The following UST variants were observed in gnomAD, a reference collection of about 807,000 sequenced individuals.
UST encodes chondroitin sulfate 2-O-sulfotransferase.
In UST, 21 loss-of-function variants were observed where a neutral mutation model predicts 45.6. That is an observed-to-expected ratio of 0.46 (90% confidence interval 0.33 to 0.66). The LOEUF (loss-of-function observed/expected upper bound fraction) is 0.66. UST is among the 30% of genes least tolerant of loss of function. The pLI is 0.02. For missense variants in UST, 463 were observed against 512.4 expected, an observed-to-expected ratio of 0.90 and a Z score of 0.93; for synonymous variants, 215 against 200.6, an observed-to-expected ratio of 1.07 and a Z score of -0.61.
rs1230516365 is a variant in UST, at chr6:148,907,913, T to C, written c.291+20884T>C. ...GGGTGTTTCCAGGGCTTTTTTTTTT[T>C]TTTTTTTTTTTTTTTGACAGAGTCT... On this transcript the variant is annotated intron_variant, in intron 2 of 7. Transcript: ENST00000367463. Among the ~76,000 whole-genome samples, 491 of 136,286 alleles carry C rather than the reference T, an allele frequency of 3.6e-3. 5 individuals carry two copies. The highest frequency in any genetic ancestry group is 0.013 in the African/African-American group (456 of 35,724). The allele number at this position is 136,286 out of a possible 152,430, so 89.4% of individuals were successfully genotyped here.
At chr6:148,872,973 A>G (rs1778587247) in intron 1 of UST, among the ~76,000 whole-genome samples, 2 of 152,060 alleles carry the variant, frequency 1.3e-5, no homozygotes, top group Admixed American at 1.3e-4. Flanking sequence ...AAAGTAACGG[A>G]CTCACAGGTT....
intron 7 of UST, among the ~76,000 whole-genome samples, chr6:149,023,644 A>G (rs1031423304): frequency 2.6e-5 from 4 of 152,160 alleles, no homozygotes; most frequent in Non-Finnish European, 5.9e-5. Context: ...TTACATCACC[A>G]TCCATCCTGA....
intron 7 of UST, among the ~76,000 whole-genome samples, chr6:149,042,223 T>G (rs1051138875): frequency 6.6e-6 from 1 of 152,228 alleles, no homozygotes; most frequent in African/African-American, 2.4e-5. Flanking sequence ...AAAAATCATT[T>G]TAGGCACTTT....
At position 148,964,265 on chromosome 6, in the gene UST, G is replaced by A. The variant is rs528621506; in HGVS notation, c.528-145G>A. 7.4e-5 allele frequency: 68 copies of A among 923,236 alleles called. No individual in the cohort carries two copies. The African/African-American group carries it at 7.6e-4, about 10-fold the overall frequency. The allele number at this position is 923,236 out of a possible 1,614,324, so 57.2% of individuals were successfully genotyped here. On this transcript the variant is annotated intron_variant, in intron 4 of 7. Coordinates refer to ENST00000367463, the MANE Select transcript of UST (RefSeq NM_005715.3). The stretch of plus-strand genomic sequence containing the variant: ...AATAAAATGCTTATCAGGAAACACC[G>A]TTTGCTTATTACGTGTCATTGGCAC...
chr6:148,871,139 T>TCTCTCTCC (rs1562283612), intron 1 of UST, among the ~76,000 whole-genome samples: 9 of 149,458 alleles, frequency 6.0e-5, no homozygotes, highest in African/African-American at 1.8e-4. Flanking sequence ...TCTCTCTCTC[T>TCTCTCTCC]CTCTCTCCCT....
At chr6:148,997,707 C>T (rs1287550874) in intron 5 of UST, among the ~76,000 whole-genome samples, 1 of 152,092 alleles carries the variant, frequency 6.6e-6, no homozygotes, top group Non-Finnish European at 1.5e-5. Flanking sequence ...CTTTTTATAA[C>T]ATTATGGAAA....
intron 1 of UST, among the ~76,000 whole-genome samples, chr6:148,878,477 T>G (rs1008600260): frequency 6.6e-4 from 50 of 75,892 alleles, no homozygotes; most frequent in African/African-American, 2.3e-3. Flanking sequence ...TGAGTGTGGG[T>G]ATCGTGTATG....
At chr6:148,916,061 A>G (rs989337791) in intron 2 of UST, among the ~76,000 whole-genome samples, 4 of 150,358 alleles carry the variant, frequency 2.7e-5, no homozygotes, top group African/African-American at 7.3e-5. Flanking sequence ...TTTCAAAGTA[A>G]ATGATCTATT....
At chr6:148,840,998 C>A in intron 1 of UST, among the ~76,000 whole-genome samples, 1 of 147,894 alleles carries the variant, frequency 6.8e-6, no homozygotes, top group Admixed American at 6.8e-5. Context: ...TGTGCGTGAC[C>A]ATCTCTGCTT....
chr6:148,836,669 G>T (rs893089699), intron 1 of UST, among the ~76,000 whole-genome samples: 1 of 152,168 alleles, frequency 6.6e-6, no homozygotes, highest in Non-Finnish European at 1.5e-5. Context: ...GGGTAAATGT[G>T]CCACTCTTTA....
At chr6:148,800,659 A>G (rs1243535544) in intron 1 of UST, among the ~76,000 whole-genome samples, 1 of 152,186 alleles carries the variant, frequency 6.6e-6, no homozygotes, top group Non-Finnish European at 1.5e-5. Context: ...ATTGCCAAAA[A>G]AAAAGGGGTA....
At chr6:148,851,521 T>C (rs754211345) in intron 1 of UST, among the ~76,000 whole-genome samples, 1 of 152,218 alleles carries the variant, frequency 6.6e-6, no homozygotes, top group African/African-American at 2.4e-5. Flanking sequence ...TCTATGCATA[T>C]ATACATATAA....
intron 2 of UST, among the ~76,000 whole-genome samples, chr6:148,896,995 A>G (rs887333396): frequency 2.0e-5 from 3 of 152,154 alleles, no homozygotes; most frequent in African/African-American, 7.2e-5. Flanking sequence ...ACTTAGCATG[A>G]TGCCTGACAC....
chr6:148,988,335 A>T (rs1781273566), intron 5 of UST, among the ~76,000 whole-genome samples: 1 of 152,054 alleles, frequency 6.6e-6, no homozygotes, highest in Non-Finnish European at 1.5e-5. Flanking sequence ...GCACTTTGGG[A>T]GGTCAAAGCG....
intron 7 of UST, among the ~76,000 whole-genome samples, chr6:149,066,733 T>C (rs1776734895): frequency 6.6e-6 from 1 of 151,942 alleles, no homozygotes; most frequent in Non-Finnish European, 1.5e-5. Flanking sequence ...TACTTGAAAA[T>C]GAACTTACAA....
intron 3 of UST, among the ~76,000 whole-genome samples, chr6:148,948,726 A>C (rs527665792): frequency 6.6e-6 from 1 of 152,282 alleles, no homozygotes; most frequent in East Asian, 1.9e-4. Context: ...GCACATCACA[A>C]GAAAAGAAGA....
chr6:149,044,327 A>T (rs1582974231), intron 7 of UST, among the ~76,000 whole-genome samples: 1 of 152,214 alleles, frequency 6.6e-6, no homozygotes, highest in Non-Finnish European at 1.5e-5. Flanking sequence ...TTCAAAAAAA[A>T]ACTCTTGTCA....
intron 1 of UST, among the ~76,000 whole-genome samples, chr6:148,853,099 T>G (rs1778136598): frequency 6.6e-6 from 1 of 152,180 alleles, no homozygotes; most frequent in South Asian, 2.1e-4. Flanking sequence ...CTATTTTTCC[T>G]GATGCTCTCC....
chr6:148,913,217 C>T (rs570447146), intron 2 of UST, among the ~76,000 whole-genome samples: 12 of 152,232 alleles, frequency 7.9e-5, no homozygotes, highest in African/African-American at 2.4e-4. Flanking sequence ...AGGAAAATCC[C>T]GTCCCTGGCC....
Sources: allele counts gnomAD v4.1 joint callset (sites outside exome capture counted in the v4.1 genomes callset), GRCh38; gene constraint gnomAD v4.1.1; transcripts MANE v1.5; gene names NCBI Gene and HGNC (gene_info 2026-07-23, HGNC 2026-07-21).